The following SLC35D4 variants were observed in gnomAD, a reference collection of about 807,000 sequenced individuals.
SLC35D4 encodes the protein solute carrier family 35 member D4.
chr18:23,343,111 C>G, the SLC35D4 span, among the ~76,000 whole-genome samples: 1 of 151,882 alleles, frequency 6.6e-6, no homozygotes, highest in South Asian at 2.1e-4. Context: ...TCAGTAGAGA[C>G]AGGGTTTCAC....
chr18:23,243,156 A>C, the SLC35D4 span, among the ~76,000 whole-genome samples: 67 of 152,082 alleles, frequency 4.4e-4, no homozygotes, highest in East Asian at 0.012. Flanking sequence ...ACCTGTCTGC[A>C]GGGTGGATTT....
At chr18:23,310,266 T>C in the SLC35D4 span, 1 of 985,336 alleles carries the variant, frequency 1.0e-6, no homozygotes, top group Non-Finnish European at 1.2e-6. Flanking sequence ...AGAAACCAGG[T>C]GCATCCTGGG....
chr18:23,362,612 A>AACAG, the SLC35D4 span, among the ~76,000 whole-genome samples: 1 of 152,222 alleles, frequency 6.6e-6, no homozygotes, highest in Admixed American at 6.5e-5. Context: ...CAAACAAACA[A>AACAG]ACAAAAAACA....
At chr18:23,428,921 A>G in the SLC35D4 span, among the ~76,000 whole-genome samples, 1 of 152,214 alleles carries the variant, frequency 6.6e-6, no homozygotes, top group Admixed American at 6.5e-5. Context: ...GCTGCCATTT[A>G]TAAGTAAAAA....
the SLC35D4 span, among the ~76,000 whole-genome samples, chr18:23,304,525 T>C: frequency 2.7e-5 from 4 of 149,290 alleles, no homozygotes; most frequent in Non-Finnish European, 5.9e-5. Flanking sequence ...ATATATAACA[T>C]ATATATAAAA....
the SLC35D4 span, chr18:23,437,811 G>A: frequency 6.2e-7 from 1 of 1,612,712 alleles, no homozygotes; most frequent in East Asian, 2.2e-5. Context: ...CCAGGTAGCA[G>A]GTACAAAAGG....
chr18:23,389,587 C>T, the SLC35D4 span, among the ~76,000 whole-genome samples: 1 of 151,998 alleles, frequency 6.6e-6, no homozygotes, highest in African/African-American at 2.4e-5. Flanking sequence ...ACTCTATTGC[C>T]CAGGCTGGAG....
chr18:23,412,532 C>T, the SLC35D4 span, among the ~76,000 whole-genome samples: 2 of 151,694 alleles, frequency 1.3e-5, no homozygotes, highest in African/African-American at 4.8e-5. Context: ...TCTTACTGCC[C>T]CCTTTCTCCC....
the SLC35D4 span, among the ~76,000 whole-genome samples, chr18:23,364,877 T>A: frequency 9.1e-6 from 1 of 110,254 alleles, no homozygotes; most frequent in Admixed American, 1.5e-4. Flanking sequence ...CACTCCAGCC[T>A]GGGCAACAGA....
chr18:23,309,881 T>C, the SLC35D4 span: 1 of 819,538 alleles, frequency 1.2e-6, no homozygotes. Context: ...CCCGTGTCCT[T>C]TTCCCCACAC....
At chr18:23,323,353 T>C in the SLC35D4 span, among the ~76,000 whole-genome samples, 94 of 152,268 alleles carry the variant, frequency 6.2e-4, no homozygotes, top group African/African-American at 2.2e-3. Flanking sequence ...CCCCGACACT[T>C]CCTTATAACA....
the SLC35D4 span, among the ~76,000 whole-genome samples, chr18:23,318,072 A>G: frequency 6.4e-4 from 97 of 152,282 alleles, no homozygotes; most frequent in African/African-American, 2.3e-3. Context: ...TTAAATGTCT[A>G]CAAAGAAGGT....
At chr18:23,256,854 G>C in the SLC35D4 span, among the ~76,000 whole-genome samples, 1 of 152,192 alleles carries the variant, frequency 6.6e-6, no homozygotes, top group African/African-American at 2.4e-5. Context: ...TCCCAGTTAG[G>C]GTGGACTCTT....
At chr18:23,242,416 G>A in the SLC35D4 span, among the ~76,000 whole-genome samples, 7 of 152,192 alleles carry the variant, frequency 4.6e-5, no homozygotes, top group African/African-American at 1.7e-4. Flanking sequence ...GCTGGGTGAT[G>A]GTGTGTCTCA....
chr18:23,243,235 T>G, the SLC35D4 span, among the ~76,000 whole-genome samples: 1 of 152,134 alleles, frequency 6.6e-6, no homozygotes, highest in Admixed American at 6.5e-5. Context: ...TATTCAGTTC[T>G]GAGGAGGGGG....
chr18:23,262,864 T>C, the SLC35D4 span, among the ~76,000 whole-genome samples: 2 of 152,132 alleles, frequency 1.3e-5, no homozygotes, highest in African/African-American at 4.8e-5. Flanking sequence ...GGAAAGAAGA[T>C]GGGTGGGAAT....
the SLC35D4 span, among the ~76,000 whole-genome samples, chr18:23,249,102 G>C: frequency 1.3e-5 from 2 of 152,244 alleles, no homozygotes; most frequent in Non-Finnish European, 2.9e-5. Context: ...CAGGACTTGA[G>C]GATTCCTGCC....
At chr18:23,327,592 C>T in the SLC35D4 span, among the ~76,000 whole-genome samples, 11 of 152,008 alleles carry the variant, frequency 7.2e-5, no homozygotes, top group Non-Finnish European at 1.2e-4. Flanking sequence ...CAGGACCAGA[C>T]GGATTCACAG....
chr18:23,283,251 C>T, the SLC35D4 span, among the ~76,000 whole-genome samples: 1 of 151,888 alleles, frequency 6.6e-6, no homozygotes, highest in Admixed American at 6.6e-5. Flanking sequence ...CTTTGGGAGG[C>T]CAACGTGGGA....
Sources: gnomAD v4.1 joint callset for allele counts (sites outside exome capture counted in the v4.1 genomes callset) on GRCh38, gnomAD v4.1.1 for gene constraint, MANE v1.5 for transcripts, NCBI Gene and HGNC (gene_info 2026-07-23, HGNC 2026-07-21) for gene names.